Variants in RMDN1 observed in about 807,000 individuals in gnomAD.
The protein encoded by RMDN1 is regulator of microtubule dynamics 1.
In RMDN1, 48 loss-of-function variants were observed where a neutral mutation model predicts 48.9. The observed-to-expected ratio is 0.98, with a 90% CI of 0.78 to 1.25. RMDN1 has a LOEUF of 1.25. Ranked by LOEUF, RMDN1 falls within the 50% of genes most tolerant of loss-of-function variation. The pLI is 0.00. For missense variants in RMDN1, 418 were observed against 373.4 expected (o/e 1.12, Z -0.98); for synonymous variants, 148 against 132.6 (o/e 1.12, Z -0.80).
At chr8:86,508,367 C>T (rs1309380286) in intron 1 of RMDN1, 125 bp downstream of exon 1, 3 of 1,075,430 alleles carry the variant, frequency 2.8e-6, no homozygotes, top group Non-Finnish European at 3.8e-6. Flanking sequence ...GCACAGTGGC[C>T]CCGAGTTCTT....
At position 86,484,858 on chromosome 8, in the gene RMDN1, T is replaced by C. The variant is rs1377598777; in HGVS notation, c.585+14A>G. On this transcript the variant is annotated intron_variant, in intron 5 of 9. Coordinates refer to ENST00000406452, the MANE Select transcript of RMDN1 (RefSeq NM_016033.3). ...GACTTTTAAAATTCATGAATTTGAA[T>C]AATTCATCAGTACCTCAAAATGCTC... The C allele has an allele frequency of 4.0e-6, 6 of 1,491,612 alleles. No homozygotes were observed. Among genetic ancestry groups the C allele is most frequent in the African/African-American group, 1.4e-5 (1 of 71,328 alleles). The allele number at this position is 1,491,612 out of a possible 1,614,324, so 92.4% of individuals were successfully genotyped here.
downstream of RMDN1, among the ~76,000 whole-genome samples, chr8:86,469,028 C>A (rs1238672657): frequency 6.6e-6 from 1 of 151,908 alleles, no homozygotes; most frequent in East Asian, 1.9e-4. Flanking sequence ...CTCCCCCACC[C>A]CCACCACCAG....
At chr8:86,503,326 TG>T (rs1818601666) in intron 2 of RMDN1, among the ~76,000 whole-genome samples, 1 of 144,912 alleles carries the variant, frequency 6.9e-6, no homozygotes, top group African/African-American at 2.6e-5. Context: ...CACTCCAGCC[TG>T]AGCAATAGAG....
At chr8:86,471,240 C>A (rs1812535676), downstream of RMDN1, among the ~76,000 whole-genome samples, 1 of 150,484 alleles carries the variant, frequency 6.6e-6, no homozygotes, top group Non-Finnish European at 1.5e-5. Flanking sequence ...GGTAAGACCT[C>A]CATAAAAAGC....
chr8:86,504,256 A>T, intron 2 of RMDN1: 2 of 1,569,336 alleles, frequency 1.3e-6, no homozygotes, highest in Non-Finnish European at 1.8e-6. Context: ...TGCTAAGTAG[A>T]TCCTCCAGCA....
downstream of RMDN1, among the ~76,000 whole-genome samples, chr8:86,470,909 G>A (rs900912216): frequency 6.6e-6 from 1 of 152,162 alleles, no homozygotes; most frequent in Non-Finnish European, 1.5e-5. Flanking sequence ...TAAAGGGACA[G>A]CACTGGGGAT....
chr8:86,501,914 T>C (rs376236062), intron 2 of RMDN1, among the ~76,000 whole-genome samples: 7 of 147,550 alleles, frequency 4.7e-5, no homozygotes, highest in African/African-American at 1.5e-4. Context: ...TCTTCATAAA[T>C]ACATTTAAAA....
Position 86,484,914 on chromosome 8 carries a change from C to T in RMDN1, c.543G>A (p.Lys181=). The T allele has an allele frequency of 6.2e-7, 1 of 1,608,380 alleles. No homozygotes were observed. The highest frequency in any genetic ancestry group is 8.5e-7 in the Non-Finnish European group (1 of 1,176,550). ...TGATATATGCATTTGCAATTTTAGC[C>T]TTGATGCCTTCATAATCTCCAACAT... ...LSDVGDYEGI[K]AKIANAYIIK... is the part of the protein sequence containing the mutation. Residue 181 remains lysine, a synonymous_variant, in exon 5 of 10, where the codon AAG becomes AAA. Transcript: ENST00000406452.
Position 86,473,939 on chromosome 8 carries a change from T to TTGAAAATCCATCCAAC in RMDN1, c.*368_*369insGTTGGATGGATTTTCA. 9.9e-7 allele frequency: 1 copy of TTGAAAATCCATCCAAC among 1,008,144 alleles called. No individual in the cohort carries two copies. Among genetic ancestry groups the TTGAAAATCCATCCAAC allele is most frequent in the South Asian group, 4.3e-5 (1 of 23,178 alleles). 62.4% of individuals were successfully genotyped at this position (1,008,144 alleles called of 1,614,324 possible). A position where few individuals can be genotyped will look rare whatever the true frequency, so the allele number is the denominator to read the frequency against. Reference sequence around the variant, plus strand: ...AGATTTCAACTTAGAATCAATCCAATTTGAAAATCCATCCCCCTGTATATC... The same window carrying TTGAAAATCCATCCAAC: ...AGATTTCAACTTAGAATCAATCCAATTGAAAATCCATCCAACTTGAAAATCCATCCCCCTGTATATC... On this transcript the variant is annotated 3_prime_UTR_variant, in exon 10 of 10. Coordinates refer to ENST00000406452, the MANE Select transcript of RMDN1 (RefSeq NM_016033.3).
At chr8:86,477,481 C>G in intron 7 of RMDN1, 157 bp from the exon 8 acceptor site, 1 of 564,378 alleles carries the variant, frequency 1.8e-6, no homozygotes, top group Non-Finnish European at 3.1e-6. Flanking sequence ...AGAGTTAACA[C>G]CCAAAGTGAA....
In RMDN1 at chr8:86,507,072, A is replaced by G. The variant is rs1193671043; in HGVS notation, c.170T>C (p.Leu57Pro). Residue 57 changes from leucine (L) to proline (P), a missense_variant, in exon 2 of 10, where the codon CTC becomes CCC. Physicochemically the swap from Leu to Pro is moderately conservative, Grantham distance 98 (BLOSUM62 -3). Transcript: ENST00000406452. ...NPGTFKRGLL[L>P]SALSYLGFET... ...AAAACCCAAATACGACAAAGCTGAG[A>G]GTAAAAGGCCTCTTTTGAAAGTTCC... 7 of 1,612,876 alleles carry G rather than the reference A, an allele frequency of 4.3e-6. No homozygotes were observed. Among genetic ancestry groups the G allele is most frequent in the African/African-American group, 2.7e-5 (2 of 74,918 alleles).
intron 2 of RMDN1, chr8:86,505,186 C>G (rs1819106987): frequency 1.1e-6 from 1 of 908,956 alleles, no homozygotes. Flanking sequence ...CCTTTCTTAT[C>G]CCACGCACTC....
chr8:86,471,535 G>A (rs1160716034), downstream of RMDN1, among the ~76,000 whole-genome samples: 1 of 152,106 alleles, frequency 6.6e-6, no homozygotes, highest in African/African-American at 2.4e-5. Context: ...CAAACAAAAT[G>A]CAGATGTGAA....
chr8:86,468,648 A>G (rs1812296215), downstream of RMDN1: 1 of 455,264 alleles, frequency 2.2e-6, no homozygotes. Flanking sequence ...GTTCGTTTTC[A>G]GGGTGCTGGT....
upstream of RMDN1, among the ~76,000 whole-genome samples, chr8:86,510,162 T>C (rs1463703659): frequency 6.6e-6 from 1 of 152,198 alleles, no homozygotes; most frequent in Admixed American, 6.5e-5. Flanking sequence ...TTACCTATAA[T>C]ACACATATTA....
At chr8:86,480,623 T>C (rs1009014187) in intron 5 of RMDN1, among the ~76,000 whole-genome samples, 3 of 152,098 alleles carry the variant, frequency 2.0e-5, no homozygotes, top group Non-Finnish European at 2.9e-5. Flanking sequence ...TGCAAATTAA[T>C]CTTGCAAATT....
At chr8:86,487,704 T>C (rs180728575) in intron 3 of RMDN1, among the ~76,000 whole-genome samples, 6 of 152,288 alleles carry the variant, frequency 3.9e-5, no homozygotes, top group Non-Finnish European at 8.8e-5. Flanking sequence ...TTCCTTTAAT[T>C]AAGATAGTTA....
At chr8:86,475,519 T>C (rs1813226934) in intron 8 of RMDN1, among the ~76,000 whole-genome samples, 1 of 151,162 alleles carries the variant, frequency 6.6e-6, no homozygotes, top group Non-Finnish European at 1.5e-5. Flanking sequence ...AATATAAAAA[T>C]GAAAGGAATG....
intron 5 of RMDN1, among the ~76,000 whole-genome samples, chr8:86,484,410 A>C (rs1336524055): frequency 6.6e-6 from 1 of 152,182 alleles, no homozygotes; most frequent in Non-Finnish European, 1.5e-5. Context: ...GTTAACCCAA[A>C]GAATTGCAAG....
Sources: allele counts gnomAD v4.1 joint callset (sites outside exome capture counted in the v4.1 genomes callset), GRCh38; gene constraint gnomAD v4.1.1; transcripts MANE v1.5; gene names NCBI Gene and HGNC (gene_info 2026-07-23, HGNC 2026-07-21).